The following GMEB1 variants were observed in gnomAD, a reference collection of about 807,000 sequenced individuals.
GMEB1 encodes glucocorticoid modulatory element binding protein 1, also known as glucocorticoid modulatory element-binding protein 1.
GMEB1 carries 6 observed loss-of-function variants against 52.4 expected under a neutral mutation model. The ratio of observed to expected loss-of-function variants is 0.11; its 90% CI spans 0.06 to 0.23. The LOEUF is 0.23. GMEB1 is among the 10% of genes least tolerant of loss of function. GMEB1 has a pLI of 1.00. For synonymous variants in GMEB1, 255 were observed against 244.9 expected (o/e 1.04, Z -0.38); for missense variants, 486 against 685.6 (o/e 0.71, Z 3.25).
chr1:28,713,997 A>G, intron 9 of GMEB1, 76 bp from the exon 10 acceptor site: 1 of 1,031,334 alleles, frequency 9.7e-7, no homozygotes, highest in Non-Finnish European at 1.5e-6. Context: ...CAGAGACACC[A>G]GGTCTCCTGA....
intron 6 of GMEB1, among the ~76,000 whole-genome samples, chr1:28,701,075 G>A (rs777225226): frequency 7.2e-5 from 11 of 152,030 alleles, no homozygotes; most frequent in Non-Finnish European, 1.3e-4. Flanking sequence ...GGTTATATAT[G>A]CAGGTGGTCC....
rs749136088 is a variant in GMEB1, at chr1:28,698,135, G to A, written c.598+1051G>A. On this transcript the variant is annotated intron_variant, in intron 6 of 9. Transcript: ENST00000373816. ...ATCCTGGGCAACAGAGTGAGACTCC[G>A]TCTCAAAAAAGAAAAATGAGGTCAA... 1.7e-4 allele frequency among the ~76,000 whole-genome samples: 25 copies of A among 151,068 alleles called. 1 individual carries two copies. The highest frequency in any genetic ancestry group is 4.6e-4 in the Admixed American group (7 of 15,140).
chr1:28,677,205 A>AG, intron 1 of GMEB1, among the ~76,000 whole-genome samples: 1 of 151,784 alleles, frequency 6.6e-6, no homozygotes, highest in Middle Eastern at 3.5e-3. Flanking sequence ...CTGAAATTTG[A>AG]GGCACTTCTG....
Position 28,706,987 on chromosome 1 carries a change from T to G in GMEB1, c.868+2658T>G, listed in dbSNP as rs1488195016. On this transcript the variant is annotated intron_variant, in intron 8 of 9. Transcript: ENST00000373816. ...TGTCCTCCAGATTTGGTTTTTTTTT[T>G]TTTTTTTTTTTTTTTGAGATGGAGT... 2.5e-4 allele frequency among the ~76,000 whole-genome samples: 33 copies of G among 132,178 alleles called. 1 individual carries two copies. The highest frequency in any genetic ancestry group is 1.1e-3 in the Admixed American group (14 of 13,240). The allele number at this position is 132,178 out of a possible 152,430, so 86.7% of individuals were successfully genotyped here.
intron 1 of GMEB1, among the ~76,000 whole-genome samples, chr1:28,683,282 A>G (rs745716420): frequency 6.6e-6 from 1 of 151,498 alleles, no homozygotes; most frequent in African/African-American, 2.4e-5. Flanking sequence ...CTGGGGTGCA[A>G]TGGCATGATC....
At chr1:28,673,948 C>T (rs1669018292) in intron 1 of GMEB1, among the ~76,000 whole-genome samples, 1 of 151,900 alleles carries the variant, frequency 6.6e-6, no homozygotes, top group Admixed American at 6.6e-5. Context: ...GAGTTCAAGA[C>T]CAGCCTGGCC....
In GMEB1 at chr1:28,696,927, G is replaced by A; in HGVS notation, c.441G>A (p.Arg147=). ...GTACTTCTTGTCTCCCTTTGCACAG[G>A]AAAATGATGGACTCCGGACAGATTG... ...RAIRLGGIML[R]KMMDSGQIDF... Residue 147 remains arginine (R), a splice_region_variant and synonymous_variant, in exon 6 of 10, where the codon AGG becomes AGA. Coordinates refer to ENST00000373816, the MANE Select transcript of GMEB1 (RefSeq NM_001319674.2). 6.2e-7 allele frequency: 1 copy of A among 1,604,636 alleles called. No individual in the cohort carries two copies. The highest frequency in any genetic ancestry group is 1.7e-5 in the Admixed American group (1 of 59,354).
chr1:28,713,163 A>G (rs1162165241), intron 9 of GMEB1, among the ~76,000 whole-genome samples: 1 of 151,990 alleles, frequency 6.6e-6, no homozygotes, highest in Non-Finnish European at 1.5e-5. Context: ...ATCTCAAAAA[A>G]AAAAAAAAAA....
intron 1 of GMEB1, among the ~76,000 whole-genome samples, chr1:28,675,750 G>A (rs1296096134): frequency 6.6e-6 from 1 of 151,600 alleles, no homozygotes; most frequent in African/African-American, 2.4e-5. Context: ...AGAGAGAGTT[G>A]TATGATTTCA....
chr1:28,695,686 C>G (rs1490372245), intron 5 of GMEB1, among the ~76,000 whole-genome samples: 3 of 150,544 alleles, frequency 2.0e-5, no homozygotes, highest in South Asian at 2.1e-4. Flanking sequence ...CGCCTGTAAT[C>G]CCAGCACTTT....
rs1671270013 is a variant in GMEB1 at position 28,716,257 on chromosome 1, G to C, written c.*1484G>C. ...TGTGCAATGTGATGTAAATGGCTCTGGTTCTTAGACTGTGGCTGTCACAGG... is the reference window on the plus strand; with the variant it reads ...TGTGCAATGTGATGTAAATGGCTCTCGTTCTTAGACTGTGGCTGTCACAGG... On this transcript the variant is annotated 3_prime_UTR_variant, in exon 10 of 10. Coordinates refer to ENST00000373816, the MANE Select transcript of GMEB1 (RefSeq NM_001319674.2). 1 of 152,198 alleles carries C rather than the reference G, an allele frequency of 6.6e-6. No homozygotes were observed. The highest frequency in any genetic ancestry group is 1.9e-4 in the East Asian group (1 of 5,200). 9.4% of individuals were successfully genotyped at this position (152,198 alleles called of 1,614,324 possible). A position where few individuals can be genotyped will look rare whatever the true frequency, so the allele number is the denominator to read the frequency against.
chr1:28,689,437 T>C (rs1669849820), intron 2 of GMEB1, among the ~76,000 whole-genome samples: 1 of 151,954 alleles, frequency 6.6e-6, no homozygotes, highest in Non-Finnish European at 1.5e-5. Flanking sequence ...CCATCCTAGC[T>C]AACACAGTGA....
At chr1:28,708,586 C>G (rs998033799) in intron 8 of GMEB1, among the ~76,000 whole-genome samples, 1 of 152,084 alleles carries the variant, frequency 6.6e-6, no homozygotes, top group African/African-American at 2.4e-5. Context: ...TTCAGCCTCC[C>G]AAGTTGCTGG....
intron 6 of GMEB1, among the ~76,000 whole-genome samples, chr1:28,701,748 C>G (rs552282538): frequency 6.6e-6 from 1 of 151,936 alleles, no homozygotes; most frequent in Non-Finnish European, 1.5e-5. Flanking sequence ...TTTATAGAAA[C>G]TGGGTTTTGC....
chr1:28,683,828 T>C, intron 2 of GMEB1, 88 bp downstream of exon 2: 1 of 1,266,964 alleles, frequency 7.9e-7, no homozygotes, highest in Non-Finnish European at 1.1e-6. Context: ...CTTAGCACAA[T>C]GGAACATTTA....
At chr1:28,687,375 C>CA (rs1442461404) in intron 2 of GMEB1, among the ~76,000 whole-genome samples, 2 of 19,192 alleles carry the variant, frequency 1.0e-4, no homozygotes, top group African/African-American at 4.4e-4. Flanking sequence ...CACACACACA[C>CA]ACACACACAC....
chr1:28,674,519 C>T (rs1329301018), intron 1 of GMEB1, among the ~76,000 whole-genome samples: 4 of 151,718 alleles, frequency 2.6e-5, no homozygotes, highest in Non-Finnish European at 5.9e-5. Context: ...CTCAGCCTCC[C>T]GAGTAGCTGA....
At chr1:28,690,049 A>G (rs778230893) in intron 2 of GMEB1, 55 bp from the exon 3 acceptor site, 1 of 1,171,480 alleles carries the variant, frequency 8.5e-7, no homozygotes, top group Non-Finnish European at 1.2e-6. Context: ...TGCTGTGAAT[A>G]TTAATTTTTT....
intron 8 of GMEB1, among the ~76,000 whole-genome samples, chr1:28,707,417 T>G (rs1224433598): frequency 6.6e-6 from 1 of 152,076 alleles, no homozygotes; most frequent in Non-Finnish European, 1.5e-5. Flanking sequence ...TTAAAGGAAT[T>G]AGTCCAAGCA....
Sources: gnomAD v4.1 joint callset for allele counts (sites outside exome capture counted in the v4.1 genomes callset) on GRCh38, gnomAD v4.1.1 for gene constraint, MANE v1.5 for transcripts, NCBI Gene and HGNC (gene_info 2026-07-23, HGNC 2026-07-21) for gene names.